DMD: variants seen among roughly 807,000 people sequenced by gnomAD.
DMD encodes the protein mutant dystrophin.
DMD carries 63 observed loss-of-function variants against 330.1 expected under a neutral mutation model. The observed-to-expected ratio is 0.19, with a 90% CI of 0.16 to 0.24. The LOEUF (loss-of-function observed/expected upper bound fraction) is 0.24, where lower values mean the gene tolerates loss of function less well. DMD is among the 10% of genes least tolerant of loss of function. DMD has a pLI of 1.00. For missense variants in DMD, 3,344 were observed against 2,684.1 expected (o/e 1.25, Z -5.43); for synonymous variants, 1,223 against 959.8 (o/e 1.27, Z -5.07).
intron 44 of DMD, among the ~76,000 whole-genome samples, chrX:32,001,066 T>G (rs2095622861): frequency 9.0e-6 from 1 of 111,387 alleles, no homozygotes; most frequent in African/African-American, 3.3e-5. Flanking sequence ...CCTTTCAGAT[T>G]AAAAGTGCTT....
chrX:32,690,945 G>T (rs1223812724), intron 9 of DMD, among the ~76,000 whole-genome samples: 3 of 109,744 alleles, frequency 2.7e-5, no homozygotes, highest in South Asian at 3.7e-4. Flanking sequence ...ATTTCCAAAA[G>T]CACAAGCAAT....
intron 55 of DMD, among the ~76,000 whole-genome samples, chrX:31,593,416 C>T (rs1206370649): frequency 9.0e-6 from 1 of 111,087 alleles, no homozygotes; most frequent in Non-Finnish European, 1.9e-5. Context: ...CACAGAACAC[C>T]AATAAAATAA....
chrX:32,797,253 G>T (rs1192398264), intron 7 of DMD, among the ~76,000 whole-genome samples: 1 of 111,525 alleles, frequency 9.0e-6, no homozygotes, highest in African/African-American at 3.3e-5. Flanking sequence ...CTCCCAATGT[G>T]CTGGGATTAC....
intron 44 of DMD, among the ~76,000 whole-genome samples, chrX:32,025,201 A>G (rs964882653): frequency 8.9e-6 from 1 of 112,032 alleles, no homozygotes; most frequent in African/African-American, 3.2e-5. Flanking sequence ...TACTATTAAA[A>G]CAGAAATCTT....
At chrX:32,964,047 G>C (rs946124676) in intron 2 of DMD, among the ~76,000 whole-genome samples, 1 of 109,873 alleles carries the variant, frequency 9.1e-6, no homozygotes, top group African/African-American at 3.3e-5. Flanking sequence ...GAGGTCAAGA[G>C]ATCGAGACCG....
chrX:31,786,943 AC>A (rs1449154488), intron 50 of DMD, among the ~76,000 whole-genome samples: 3 of 112,298 alleles, frequency 2.7e-5, no homozygotes, highest in African/African-American at 9.7e-5. Flanking sequence ...TCTGTGTGCA[AC>A]TTTTTGTCTC....
intron 41 of DMD, among the ~76,000 whole-genome samples, chrX:32,324,417 A>G (rs2097639624): frequency 8.9e-6 from 1 of 111,851 alleles, no homozygotes; most frequent in South Asian, 3.7e-4. Flanking sequence ...AGTGAAAGTC[A>G]CAAGAAACAT....
At chrX:31,948,186 A>G (rs150439397) in intron 45 of DMD, among the ~76,000 whole-genome samples, 3,992 of 111,105 alleles carry the variant, frequency 0.036, 75 homozygotes, top group Non-Finnish European at 0.057. Flanking sequence ...CATATTGTCA[A>G]ATATGGCAGG....
At chrX:31,847,095 G>C (rs780424067) in intron 48 of DMD, among the ~76,000 whole-genome samples, 5 of 111,311 alleles carry the variant, frequency 4.5e-5, no homozygotes, top group Non-Finnish European at 7.6e-5. Flanking sequence ...AATAGCCCTA[G>C]ATTTAGTCCT....
chrX:32,614,345 T>G lies in DMD; in HGVS notation c.1440A>C (p.Gly480=), dbSNP rs2057400154. The change falls in exon 12 of 79, where the codon GGA becomes GGC. Residue 480 remains glycine (G), a synonymous_variant. Transcript: ENST00000357033. ...RTRKMEEEPL[G]PDLEDLKRQV... ...GGCGTTTTAGGTCTTCAAGATCAGG[T>G]CCAAGAGGCTCTTCCTCCATTTTCC... is the stretch of plus-strand genomic sequence containing the variant. 8.3e-7 allele frequency: 1 copy of G among 1,206,046 alleles called. No homozygotes were observed. The highest frequency in any genetic ancestry group is 1.1e-6 in the Non-Finnish European group (1 of 893,295).
chrX:32,638,825 T>A (rs2059260287), intron 11 of DMD, among the ~76,000 whole-genome samples: 1 of 111,434 alleles, frequency 9.0e-6, no homozygotes, highest in African/African-American at 3.3e-5. Flanking sequence ...ACTCATTTGT[T>A]CAGCACCTCC....
intron 1 of DMD, among the ~76,000 whole-genome samples, chrX:33,124,215 C>G (rs1018337665): frequency 9.2e-6 from 1 of 108,275 alleles, no homozygotes; most frequent in African/African-American, 3.4e-5. Flanking sequence ...CGGTGGCTCA[C>G]GCCTGTAACC....
intron 1 of DMD, among the ~76,000 whole-genome samples, chrX:33,235,913 A>ATT (rs1388102986): frequency 1.5e-4 from 15 of 97,189 alleles, no homozygotes; most frequent in South Asian, 4.9e-4. Context: ...TATTATTATT[A>ATT]TTATTTTTTT....
chrX:31,473,617 G>A (rs1391166771), intron 59 of DMD, among the ~76,000 whole-genome samples: 4 of 103,768 alleles, frequency 3.9e-5, no homozygotes, highest in Admixed American at 1.0e-4. Flanking sequence ...CTACTCAGGA[G>A]GCTGAGGCAG....
chrX:32,463,640 A>AC (rs765719438), intron 24 of DMD, 46 bp from the exon 25 acceptor site: 4 of 1,040,616 alleles, frequency 3.8e-6, no homozygotes, highest in Non-Finnish European at 5.1e-6. Flanking sequence ...AATTACTGCC[A>AC]CATATTAGAT....
intron 59 of DMD, among the ~76,000 whole-genome samples, chrX:31,472,223 G>A (rs892346194): frequency 8.9e-6 from 1 of 112,017 alleles, no homozygotes; most frequent in African/African-American, 3.2e-5. Flanking sequence ...TTCAGAGTTG[G>A]GAGAGCTTAC....
intron 55 of DMD, among the ~76,000 whole-genome samples, chrX:31,510,506 C>CTTTTTTTTTTTTTTTTT (rs756448666): frequency 1.2e-5 from 1 of 84,498 alleles, no homozygotes; most frequent in African/African-American, 4.7e-5. Context: ...TCTGACTGCT[C>CTTTTTTTTTTTTTTTTT]TTTTTTTTTT....
chrX:32,888,656 T>TG (rs1333495526), intron 2 of DMD, among the ~76,000 whole-genome samples: 1 of 111,905 alleles, frequency 8.9e-6, no homozygotes, highest in African/African-American at 3.3e-5. Flanking sequence ...ATCTCACTAC[T>TG]GGGTACATAC....
At chrX:32,523,326 C>A (rs111995705) in intron 17 of DMD, among the ~76,000 whole-genome samples, 66 of 111,786 alleles carry the variant, frequency 5.9e-4, no homozygotes, top group Admixed American at 4.7e-3. Flanking sequence ...AACCAGAATT[C>A]TTCTTCTTCA....
Sources: allele counts gnomAD v4.1 joint callset (sites outside exome capture counted in the v4.1 genomes callset), GRCh38; gene constraint gnomAD v4.1.1; transcripts MANE v1.5; gene names NCBI Gene and HGNC (gene_info 2026-07-23, HGNC 2026-07-21).